Variants in HTR2C observed in about 807,000 individuals in gnomAD.
The protein encoded by HTR2C is 5-hydroxytryptamine (serotonin) receptor 2C, G protein-coupled.
A neutral mutation model predicts 21.0 loss-of-function variants in HTR2C; 5 were observed. The ratio of observed to expected loss-of-function variants is 0.24; its 90% CI spans 0.12 to 0.50. The LOEUF (loss-of-function observed/expected upper bound fraction) is 0.50. HTR2C is among the 20% of genes least tolerant of loss of function. The pLI, the probability that HTR2C is intolerant of heterozygous loss-of-function variation, is 0.98. For synonymous variants in HTR2C, 150 were observed against 145.3 expected (o/e 1.03, Z -0.23); for missense variants, 271 against 371.2 (o/e 0.73, Z 2.22).
At chrX:114,803,649 T>C (rs1188711461) in intron 4 of HTR2C, among the ~76,000 whole-genome samples, 1 of 102,352 alleles carries the variant, frequency 9.8e-6, no homozygotes, top group East Asian at 3.2e-4. Context: ...GTCAGATGAG[T>C]AGGTTGTGAA....
intron 4 of HTR2C, among the ~76,000 whole-genome samples, chrX:114,818,292 C>T (rs1333632172): frequency 9.0e-6 from 1 of 111,645 alleles, no homozygotes; most frequent in Non-Finnish European, 1.9e-5. Context: ...TTCACTACTA[C>T]TGAAAATAGA....
chrX:114,677,944 C>A (rs1931615273), intron 2 of HTR2C, among the ~76,000 whole-genome samples: 1 of 109,948 alleles, frequency 9.1e-6, no homozygotes, highest in Non-Finnish European at 1.9e-5. Flanking sequence ...AATAGATGTC[C>A]TAAAGCACTC....
At chrX:114,836,310 T>C (rs5946003) in intron 4 of HTR2C, among the ~76,000 whole-genome samples, 7 of 106,827 alleles carry the variant, frequency 6.6e-5, no homozygotes, top group African/African-American at 2.0e-4. Flanking sequence ...CCAGCCTCGC[T>C]GCCGCCTTGC....
intron 4 of HTR2C, among the ~76,000 whole-genome samples, chrX:114,792,900 T>A (rs28436771): frequency 0.03 from 3,315 of 112,243 alleles, 129 homozygotes; most frequent in African/African-American, 0.1. Context: ...ATGTTTGTTG[T>A]CTGCATAAAT....
At chrX:114,879,358 G>A (rs1368634492) in intron 5 of HTR2C, among the ~76,000 whole-genome samples, 3 of 109,496 alleles carry the variant, frequency 2.7e-5, no homozygotes, top group Non-Finnish European at 5.7e-5. Context: ...TTTAGCTATA[G>A]GTTTTTTGTA....
intron 2 of HTR2C, among the ~76,000 whole-genome samples, chrX:114,644,442 A>G (rs1556407170): frequency 1.2e-5 from 1 of 84,501 alleles, no homozygotes; most frequent in African/African-American, 4.5e-5. Context: ...TACTTTTTTT[A>G]GTCATATTGT....
chrX:114,711,892 G>A lies in HTR2C; in HGVS notation c.-79-14966G>A, dbSNP rs368712622. The stretch of plus-strand genomic sequence containing the variant: ...CACAATACCTGCATTTAAGAAAATA[G>A]GGTCCTATAACTTTAACCTAGAAAT... On this transcript the variant is annotated intron_variant, in intron 2 of 5. Transcript: ENST00000276198. Among the ~76,000 whole-genome samples, 249 of 111,685 alleles carry A rather than the reference G, an allele frequency of 2.2e-3. 1 individual carries two copies. The highest frequency in any genetic ancestry group is 7.6e-3 in the African/African-American group (236 of 30,855).
At chrX:114,774,815 T>A (rs1186161994) in intron 4 of HTR2C, 1 of 441,361 alleles carries the variant, frequency 2.3e-6, no homozygotes, top group Non-Finnish European at 4.0e-6. Flanking sequence ...GCTACATCTA[T>A]ATTTATGTTG....
rs782483309 is a variant in HTR2C, at chrX:114,862,525, G to A, written c.550+14322G>A. Among the ~76,000 whole-genome samples the A allele has an allele frequency of 9.9e-5, 11 of 110,892 alleles. No homozygotes were observed. The South Asian group carries it at 1.5e-3, about 15-fold the overall frequency. ...TGCTATTTCTGATAAGGAAGGCATC[G>A]GGATTTTTAAAAGGGTTGTGTTGAA... On this transcript the variant is annotated intron_variant, in intron 5 of 5. Transcript: ENST00000276198.
At chrX:114,806,113 T>C (rs1743573640) in intron 4 of HTR2C, among the ~76,000 whole-genome samples, 1 of 98,943 alleles carries the variant, frequency 1.0e-5, no homozygotes, top group Admixed American at 1.2e-4. Context: ...ATATATACCA[T>C]ATATGCACCA....
At chrX:114,788,287 T>C (rs2070197731) in intron 4 of HTR2C, among the ~76,000 whole-genome samples, 1 of 110,024 alleles carries the variant, frequency 9.1e-6, no homozygotes, top group African/African-American at 3.3e-5. Context: ...TGAGATGGAG[T>C]TTCATCCTTG....
intron 2 of HTR2C, among the ~76,000 whole-genome samples, chrX:114,725,772 C>G (rs1276728684): frequency 9.0e-6 from 1 of 110,775 alleles, no homozygotes; most frequent in African/African-American, 3.3e-5. Context: ...GAGTACCCGG[C>G]CGTGTGAGGT....
chrX:114,652,566 T>A (rs1930616856), intron 2 of HTR2C: 1 of 304,125 alleles, frequency 3.3e-6, no homozygotes, highest in Non-Finnish European at 6.5e-6. Flanking sequence ...TCTGAAATAT[T>A]ATCAAACTGA....
intron 2 of HTR2C, among the ~76,000 whole-genome samples, chrX:114,681,433 A>G (rs1931742950): frequency 9.0e-6 from 1 of 110,716 alleles, no homozygotes; most frequent in Non-Finnish European, 1.9e-5. Context: ...TGTTACCTCT[A>G]TTTTAAAGAT....
At chrX:114,643,736 G>A (rs967343861) in intron 2 of HTR2C, among the ~76,000 whole-genome samples, 1 of 111,688 alleles carries the variant, frequency 9.0e-6, no homozygotes, top group African/African-American at 3.3e-5. Flanking sequence ...TTAATTTCAG[G>A]CAATTTACTG....
intron 4 of HTR2C, among the ~76,000 whole-genome samples, chrX:114,802,425 T>A (rs1415513089): frequency 9.0e-6 from 1 of 111,443 alleles, no homozygotes; most frequent in African/African-American, 3.3e-5. Context: ...CTGGCACTCA[T>A]ATTAAAATTA....
intron 2 of HTR2C, among the ~76,000 whole-genome samples, chrX:114,636,442 C>A (rs1929848250): frequency 8.9e-6 from 1 of 112,064 alleles, no homozygotes; most frequent in South Asian, 3.7e-4. Flanking sequence ...TAAAAGGAAT[C>A]TGATGAGCAA....
intron 5 of HTR2C, among the ~76,000 whole-genome samples, chrX:114,868,402 A>G (rs1287616548): frequency 9.1e-6 from 1 of 110,090 alleles, no homozygotes; most frequent in Admixed American, 9.7e-5. Flanking sequence ...GTCCCTTTCC[A>G]GTTTCCTATT....
At chrX:114,687,286 C>T (rs1327360652) in intron 2 of HTR2C, among the ~76,000 whole-genome samples, 2 of 112,232 alleles carry the variant, frequency 1.8e-5, no homozygotes, top group African/African-American at 6.5e-5. Context: ...TATATTTGCA[C>T]TTTCACAATA....
Sources: gnomAD v4.1 joint callset for allele counts (sites outside exome capture counted in the v4.1 genomes callset) on GRCh38, gnomAD v4.1.1 for gene constraint, MANE v1.5 for transcripts, NCBI Gene and HGNC (gene_info 2026-07-23, HGNC 2026-07-21) for gene names.